ACBD6: variants seen among roughly 807,000 people sequenced by gnomAD.
The protein encoded by ACBD6 is acyl-CoA-binding domain-containing protein 6.
A neutral mutation model predicts 37.2 loss-of-function variants in ACBD6; 28 were observed. That is an observed-to-expected ratio of 0.75 (90% CI 0.56 to 1.03). ACBD6 has a LOEUF of 1.03. Among genes scored for constraint, ACBD6 ranks in the 50% least tolerant of loss-of-function variants. ACBD6 has a pLI of 0.00. For missense variants in ACBD6, 340 were observed against 337.4 expected (o/e 1.01, Z -0.06); for synonymous variants, 113 against 126.8 (o/e 0.89, Z 0.73).
intron 6 of ACBD6, among the ~76,000 whole-genome samples, chr1:180,346,770 C>A (rs1652195569): frequency 6.6e-6 from 1 of 152,190 alleles, no homozygotes; most frequent in Non-Finnish European, 1.5e-5. Context: ...GGCATGGTAG[C>A]TCATGCCTGT....
At chr1:180,307,399 A>G (rs1183706837) in intron 7 of ACBD6, among the ~76,000 whole-genome samples, 1 of 150,404 alleles carries the variant, frequency 6.6e-6, no homozygotes, top group Non-Finnish European at 1.5e-5. Context: ...GGGATGGTTA[A>G]TGGGTACAAA....
At chr1:180,315,458 T>C (rs1650760944) in intron 6 of ACBD6, among the ~76,000 whole-genome samples, 1 of 152,164 alleles carries the variant, frequency 6.6e-6, no homozygotes. Context: ...AAAAGCACAA[T>C]TTAGTAATTA....
chr1:180,462,714 C>T (rs1262092697), intron 3 of ACBD6, among the ~76,000 whole-genome samples: 1 of 152,154 alleles, frequency 6.6e-6, no homozygotes, highest in Non-Finnish European at 1.5e-5. Flanking sequence ...CTGAACTCAG[C>T]TCTGGATCAA....
chr1:180,356,979 A>G (rs1183173430), intron 6 of ACBD6, among the ~76,000 whole-genome samples: 1 of 152,172 alleles, frequency 6.6e-6, no homozygotes, highest in Non-Finnish European at 1.5e-5. Context: ...ACTAACAATG[A>G]CTGACAGGAA....
chr1:180,340,436 G>A (rs74521701), intron 6 of ACBD6, among the ~76,000 whole-genome samples: 22,645 of 152,030 alleles, frequency 0.15, 1,818 homozygotes, highest in Middle Eastern at 0.22. Context: ...AATGGTGGAA[G>A]TGAACATTTG....
rs182648347 is a variant in ACBD6, at chr1:180,477,934, G to A, written c.384+14335C>T. ...AGGCAGGAGGATAACTTGAGCCCAGGAGTTCAGGTCTAGCCTAGGCAACAT... is the reference window on the plus strand; with the variant it reads ...AGGCAGGAGGATAACTTGAGCCCAGAAGTTCAGGTCTAGCCTAGGCAACAT... On this transcript the variant is annotated intron_variant, in intron 3 of 7. Transcript: ENST00000367595. Among the ~76,000 whole-genome samples, 700 of 150,528 alleles carry A rather than the reference G, an allele frequency of 4.7e-3. 4 individuals are homozygous for A. The highest frequency in any genetic ancestry group is 0.016 in the African/African-American group (662 of 40,620).
chr1:180,434,293 A>G (rs1206966066), intron 3 of ACBD6, among the ~76,000 whole-genome samples: 3 of 152,078 alleles, frequency 2.0e-5, no homozygotes, highest in African/African-American at 7.2e-5. Flanking sequence ...ATCACATGAC[A>G]GAGAGCAGAC....
chr1:180,488,525 G>A (rs1364337308), intron 3 of ACBD6, among the ~76,000 whole-genome samples: 1 of 151,760 alleles, frequency 6.6e-6, no homozygotes, highest in Non-Finnish European at 1.5e-5. Context: ...TTAACAACAG[G>A]GCTCTGGACT....
chr1:180,374,576 T>A (rs1251869874), intron 6 of ACBD6, among the ~76,000 whole-genome samples: 1 of 55,292 alleles, frequency 1.8e-5, no homozygotes, highest in East Asian at 3.4e-4. Context: ...AGCTTCTGTT[T>A]TCACACCTGA....
Position 180,318,167 on chromosome 1 carries a change from C to CT in ACBD6, c.664-3446_664-3445insA, listed in dbSNP as rs574276053. On this transcript the variant is annotated intron_variant, in intron 6 of 7. Coordinates refer to ENST00000367595, the MANE Select transcript of ACBD6 (RefSeq NM_032360.4). ...ACAGAGTAAGATTCCATCTCCGCCC[C>CT]CCCCCCCCAAAAAAAAAAGAAAGAA... is the stretch of plus-strand genomic sequence containing the variant. Among the ~76,000 whole-genome samples, 122 of 80,284 alleles carry CT rather than the reference C, an allele frequency of 1.5e-3. 6 individuals carry two copies. Among genetic ancestry groups the CT allele is most frequent in the Non-Finnish European group, 2.6e-3 (104 of 40,340 alleles). 52.7% of individuals were successfully genotyped at this position (80,284 alleles called of 152,430 possible).
intron 6 of ACBD6, among the ~76,000 whole-genome samples, chr1:180,379,103 C>T (rs1387179425): frequency 6.6e-6 from 1 of 152,166 alleles, no homozygotes; most frequent in Non-Finnish European, 1.5e-5. Flanking sequence ...AGAAAAACTT[C>T]ACTAACAACT....
intron 6 of ACBD6, among the ~76,000 whole-genome samples, chr1:180,367,479 T>C (rs1214708590): frequency 6.6e-6 from 1 of 152,148 alleles, no homozygotes; most frequent in African/African-American, 2.4e-5. Flanking sequence ...AATTATTTCA[T>C]CAGGTATTAA....
At chr1:180,491,794 TTAAG>T (rs1232297007) in intron 3 of ACBD6, among the ~76,000 whole-genome samples, 1 of 152,198 alleles carries the variant, frequency 6.6e-6, no homozygotes, top group Admixed American at 6.5e-5. Flanking sequence ...ATATTACTAT[TTAAG>T]TAATTATTAT....
chr1:180,365,611 C>A (rs1653025709), intron 6 of ACBD6, among the ~76,000 whole-genome samples: 1 of 152,094 alleles, frequency 6.6e-6, no homozygotes, highest in African/African-American at 2.4e-5. Context: ...TTTGCCCTGG[C>A]CTTTATAGAT....
At chr1:180,436,023 G>A in intron 3 of ACBD6, 1 of 735,642 alleles carries the variant, frequency 1.4e-6, no homozygotes, top group Non-Finnish European at 2.3e-6. Context: ...GTTTAATGTT[G>A]TACGTCTGGA....
intron 6 of ACBD6, among the ~76,000 whole-genome samples, chr1:180,315,512 G>A (rs1650763310): frequency 6.6e-6 from 1 of 152,154 alleles, no homozygotes; most frequent in African/African-American, 2.4e-5. Flanking sequence ...CATGCCCCTG[G>A]TAATTGAGAA....
At position 180,487,585 on chromosome 1, in the gene ACBD6, TTAA is replaced by T. The variant is rs201910273; in HGVS notation, c.384+4681_384+4683del. ...TGTGTTCAAGTAACCATTATTTTAC[TTAA>T]TAATGGCCCCAAAGTACAAGAGTTG... On this transcript the variant is annotated intron_variant, in intron 3 of 7. Coordinates refer to ENST00000367595, the MANE Select transcript of ACBD6 (RefSeq NM_032360.4). 6.6e-3 allele frequency among the ~76,000 whole-genome samples: 1,012 copies of T among 152,294 alleles called. 17 individuals carry two copies. The highest frequency in any genetic ancestry group is 0.023 in the African/African-American group (966 of 41,544).
chr1:180,299,853 A>G (rs1238617293), intron 7 of ACBD6, among the ~76,000 whole-genome samples: 1 of 152,200 alleles, frequency 6.6e-6, no homozygotes, highest in African/African-American at 2.4e-5. Context: ...TTCAGCAAGG[A>G]CCATGTTTAA....
intron 6 of ACBD6, among the ~76,000 whole-genome samples, chr1:180,331,850 T>C (rs1240134854): frequency 6.6e-6 from 1 of 152,192 alleles, no homozygotes. Context: ...AGTCAAGAAT[T>C]TGGGCTCCAT....
Sources: gnomAD v4.1 joint callset for allele counts (sites outside exome capture counted in the v4.1 genomes callset) on GRCh38, gnomAD v4.1.1 for gene constraint, MANE v1.5 for transcripts, NCBI Gene and HGNC (gene_info 2026-07-23, HGNC 2026-07-21) for gene names.